The following BICD1 variants were observed in gnomAD, a reference collection of about 807,000 sequenced individuals.
BICD1 encodes BICD cargo adaptor 1.
Under a neutral mutation model 92.5 loss-of-function variants are expected in BICD1, and 35 were observed. The observed-to-expected ratio is 0.38, with a 90% confidence interval of 0.29 to 0.50. BICD1 has a LOEUF of 0.50. BICD1 is among the 20% of genes least tolerant of loss of function. The pLI is 0.93. For missense variants in BICD1, 950 were observed against 1,189.8 expected, an observed-to-expected ratio of 0.80 and a Z score of 2.97; for synonymous variants, 429 against 465.1, an observed-to-expected ratio of 0.92 and a Z score of 1.00.
chr12:32,156,003 T>C (rs1463824753), intron 1 of BICD1, among the ~76,000 whole-genome samples: 1 of 152,186 alleles, frequency 6.6e-6, no homozygotes, highest in Non-Finnish European at 1.5e-5. Context: ...TGTGGACACA[T>C]AACACCTTTA....
In BICD1 at chr12:32,377,804, G is replaced by A; in HGVS notation, c.*177G>A. 3.9e-6 allele frequency: 2 copies of A among 507,116 alleles called. No homozygotes were observed. Among genetic ancestry groups the A allele is most frequent in the Non-Finnish European group, 6.9e-6 (2 of 288,358 alleles). The allele number at this position is 507,116 out of a possible 1,614,324, so 31.4% of individuals were successfully genotyped here. A position where few individuals can be genotyped will look rare whatever the true frequency, so the allele number is the denominator to read the frequency against. On this transcript the variant is annotated 3_prime_UTR_variant, in exon 10 of 10. Coordinates refer to ENST00000652176, the MANE Select transcript of BICD1 (RefSeq NM_001714.4). ...GAACACGAAGCACAGACCCTGATGTGATAAAACATTTTGTGGTTTCTCTGA... is the reference window on the plus strand; with the variant it reads ...GAACACGAAGCACAGACCCTGATGTAATAAAACATTTTGTGGTTTCTCTGA...
intron 1 of BICD1, among the ~76,000 whole-genome samples, chr12:32,179,481 G>A (rs2063513): frequency 0.12 from 18,713 of 151,888 alleles, 1,640 homozygotes; most frequent in East Asian, 0.29. Context: ...AAAATACTTT[G>A]AGTTAAATTG....
At chr12:32,154,965 T>C (rs1565552242) in intron 1 of BICD1, among the ~76,000 whole-genome samples, 5 of 152,200 alleles carry the variant, frequency 3.3e-5, no homozygotes, top group Admixed American at 2.6e-4. Flanking sequence ...CCACATTGTT[T>C]CTGCAATTAG....
At chr12:32,266,807 A>C (rs1465103959) in intron 2 of BICD1, among the ~76,000 whole-genome samples, 1 of 151,964 alleles carries the variant, frequency 6.6e-6, no homozygotes, top group East Asian at 1.9e-4. Context: ...GCAGTGAGCC[A>C]AGATCACGTC....
chr12:32,317,729 G>A (rs1948541654), intron 4 of BICD1, among the ~76,000 whole-genome samples: 1 of 152,058 alleles, frequency 6.6e-6, no homozygotes, highest in Non-Finnish European at 1.5e-5. Flanking sequence ...GATCCCATTT[G>A]TCAATTTTGG....
At chr12:32,241,378 G>C (rs1306315764) in intron 2 of BICD1, among the ~76,000 whole-genome samples, 2 of 152,198 alleles carry the variant, frequency 1.3e-5, no homozygotes, top group Non-Finnish European at 1.5e-5. Context: ...CTAGAATGCA[G>C]TTCTCTCCCC....
At chr12:32,150,780 T>TA (rs916590366) in intron 1 of BICD1, among the ~76,000 whole-genome samples, 25 of 151,214 alleles carry the variant, frequency 1.7e-4, no homozygotes, top group South Asian at 4.2e-4. Flanking sequence ...TCTGATATCT[T>TA]AAAAAAAAAT....
At chr12:32,175,845 C>T (rs1048669738) in intron 1 of BICD1, among the ~76,000 whole-genome samples, 2 of 152,148 alleles carry the variant, frequency 1.3e-5, no homozygotes, top group African/African-American at 4.8e-5. Flanking sequence ...TTTCATCCTC[C>T]TAATAGGATC....
At chr12:32,130,151 T>G (rs1942489691) in intron 1 of BICD1, among the ~76,000 whole-genome samples, 1 of 152,188 alleles carries the variant, frequency 6.6e-6, no homozygotes. Context: ...TAAGGAAGTT[T>G]ACTTTTTTTC....
At chr12:32,234,434 C>G (rs1231610870) in intron 2 of BICD1, among the ~76,000 whole-genome samples, 10 of 151,592 alleles carry the variant, frequency 6.6e-5, no homozygotes. Flanking sequence ...CCCATCTCTA[C>G]TAAAAATACA....
chr12:32,211,854 C>CT (rs2121549833), intron 1 of BICD1, among the ~76,000 whole-genome samples: 1 of 152,288 alleles, frequency 6.6e-6, no homozygotes, highest in Admixed American at 6.5e-5. Context: ...GGGAGAGAGG[C>CT]TGTCAGAACC....
intron 1 of BICD1, among the ~76,000 whole-genome samples, chr12:32,149,768 C>T (rs887276766): frequency 2.6e-5 from 4 of 152,148 alleles, no homozygotes; most frequent in Non-Finnish European, 5.9e-5. Flanking sequence ...CTGTCTGCTT[C>T]ACAGATGGTG....
At chr12:32,342,253 T>A (rs1938410409) in intron 8 of BICD1, among the ~76,000 whole-genome samples, 1 of 141,212 alleles carries the variant, frequency 7.1e-6, no homozygotes, top group African/African-American at 2.6e-5. Flanking sequence ...TGGGGGTTTG[T>A]TTTTTTTTCT....
intron 1 of BICD1, among the ~76,000 whole-genome samples, chr12:32,174,855 G>A (rs2121518000): frequency 6.6e-6 from 1 of 152,124 alleles, no homozygotes; most frequent in South Asian, 2.1e-4. Flanking sequence ...CAGTCTAATT[G>A]GAGTGAATCT....
intron 1 of BICD1, among the ~76,000 whole-genome samples, chr12:32,135,396 T>G (rs1470890983): frequency 8.2e-6 from 1 of 121,530 alleles, no homozygotes; most frequent in Admixed American, 8.4e-5. Context: ...CTTTTTTTTT[T>G]TTTTTTTTTT....
At chr12:32,232,363 T>G (rs1255904242) in intron 2 of BICD1, among the ~76,000 whole-genome samples, 1 of 152,050 alleles carries the variant, frequency 6.6e-6, no homozygotes, top group Admixed American at 6.6e-5. Flanking sequence ...TTTTCATGTG[T>G]TTTTTGGCTG....
At chr12:32,183,285 T>C (rs1461336377) in intron 1 of BICD1, among the ~76,000 whole-genome samples, 1 of 149,528 alleles carries the variant, frequency 6.7e-6, no homozygotes, top group East Asian at 2.0e-4. Context: ...TTTTTTTTAG[T>C]TTTTTTGAGA....
chr12:32,306,043 A>T lies in BICD1; in HGVS notation c.926A>T (p.Glu309Val). 6.2e-7 allele frequency: 1 copy of T among 1,614,098 alleles called. No individual in the cohort carries two copies. Residue 309 changes from glutamate to valine, a missense_variant, in exon 4 of 10, where the codon GAG becomes GTG. Glu to Val is a moderately radical substitution (Grantham distance 121). Coordinates refer to ENST00000652176, the MANE Select transcript of BICD1 (RefSeq NM_001714.4). Reference protein sequence around the residue: ...DYRTPTLRKGESLNPVSDLFS... With the variant: ...DYRTPTLRKGVSLNPVSDLFS... ...CGGACTCCCACCTTAAGGAAAGGAG[A>T]GTCTCTGAACCCTGTCTCTGACTTA... is the stretch of plus-strand genomic sequence containing the variant.
chr12:32,223,915 A>G (rs970890273), intron 2 of BICD1, among the ~76,000 whole-genome samples: 15 of 152,296 alleles, frequency 9.8e-5, no homozygotes, highest in African/African-American at 3.4e-4. Flanking sequence ...CAGAACACAC[A>G]TGTTTATGGG....
Sources: allele counts gnomAD v4.1 joint callset (sites outside exome capture counted in the v4.1 genomes callset), GRCh38; gene constraint gnomAD v4.1.1; transcripts MANE v1.5; gene names NCBI Gene and HGNC (gene_info 2026-07-23, HGNC 2026-07-21).